Variants in SPOCK3 observed in about 807,000 individuals in gnomAD.
SPOCK3 encodes SPARC (osteonectin), cwcv and kazal like domains proteoglycan 3.
In SPOCK3, 30 loss-of-function variants were observed where a neutral mutation model predicts 56.6. The observed-to-expected ratio is 0.53, with a 90% CI of 0.40 to 0.72. SPOCK3 has a LOEUF of 0.72. SPOCK3 is among the 30% of genes least tolerant of loss of function. SPOCK3 has a pLI of 0.00. For missense variants in SPOCK3, 527 were observed against 530.0 expected (o/e 0.99, Z 0.06); for synonymous variants, 196 against 183.3 (o/e 1.07, Z -0.56).
chr4:166,953,990 C>T (rs563664357), intron 4 of SPOCK3, among the ~76,000 whole-genome samples: 5 of 151,948 alleles, frequency 3.3e-5, no homozygotes, highest in Admixed American at 6.6e-5. Context: ...TGCTAGATGA[C>T]GAGTTAGTGG....
At chr4:166,740,476 A>T (rs965747276) in intron 9 of SPOCK3, among the ~76,000 whole-genome samples, 3 of 149,784 alleles carry the variant, frequency 2.0e-5, no homozygotes, top group African/African-American at 7.3e-5. Context: ...ATTTGCCAAG[A>T]CAAATCTATA....
chr4:166,781,346 G>T (rs1740144210), intron 7 of SPOCK3, among the ~76,000 whole-genome samples: 1 of 151,894 alleles, frequency 6.6e-6, no homozygotes, highest in Admixed American at 6.6e-5. Context: ...AACTAGAGAT[G>T]GAAACTATAG....
chr4:167,186,839 T>C (rs1732014349), intron 2 of SPOCK3, among the ~76,000 whole-genome samples: 1 of 151,328 alleles, frequency 6.6e-6, no homozygotes, highest in African/African-American at 2.4e-5. Context: ...TAGCTGGGCG[T>C]GGTGGCACAT....
chr4:166,780,317 C>A (rs373098900), intron 7 of SPOCK3, among the ~76,000 whole-genome samples: 3 of 152,044 alleles, frequency 2.0e-5, no homozygotes, highest in African/African-American at 2.4e-5. Flanking sequence ...TGAGTGTAGG[C>A]TAAAATGACA....
intron 6 of SPOCK3, among the ~76,000 whole-genome samples, chr4:166,879,494 G>C (rs1192671155): frequency 6.6e-6 from 1 of 152,074 alleles, no homozygotes; most frequent in African/African-American, 2.4e-5. Context: ...AACATAGCAA[G>C]ACTTTGTCTC....
At chr4:167,208,095 A>G (rs368045201) in intron 2 of SPOCK3, among the ~76,000 whole-genome samples, 7 of 152,148 alleles carry the variant, frequency 4.6e-5, no homozygotes, top group African/African-American at 1.2e-4. Context: ...ACACTTTCTC[A>G]TTCCTCAATA....
At chr4:167,082,658 A>G (rs1307328926) in intron 2 of SPOCK3, among the ~76,000 whole-genome samples, 1 of 151,268 alleles carries the variant, frequency 6.6e-6, no homozygotes, top group Non-Finnish European at 1.5e-5. Context: ...GGGGTCAGGG[A>G]CCTACAGCCT....
chr4:166,742,957 T>C (rs911973630), intron 8 of SPOCK3, among the ~76,000 whole-genome samples: 7 of 152,136 alleles, frequency 4.6e-5, no homozygotes, highest in Non-Finnish European at 8.8e-5. Context: ...CTAGAGATGA[T>C]TTAAAGTATA....
At chr4:166,917,761 T>C (rs1738026017) in intron 4 of SPOCK3, among the ~76,000 whole-genome samples, 1 of 152,062 alleles carries the variant, frequency 6.6e-6, no homozygotes, top group African/African-American at 2.4e-5. Context: ...GACTGTTAAA[T>C]TTCCTGAGGC....
At chr4:166,816,781 A>G (rs1207206438) in intron 6 of SPOCK3, among the ~76,000 whole-genome samples, 1 of 152,092 alleles carries the variant, frequency 6.6e-6, no homozygotes, top group Non-Finnish European at 1.5e-5. Flanking sequence ...GGATAAAAAC[A>G]TTAAGGAAAA....
chr4:167,110,964 T>C (rs1760852205), intron 2 of SPOCK3, among the ~76,000 whole-genome samples: 1 of 151,938 alleles, frequency 6.6e-6, no homozygotes, highest in African/African-American at 2.4e-5. Context: ...GCTACACAGT[T>C]ATCACAATAT....
intron 8 of SPOCK3, among the ~76,000 whole-genome samples, chr4:166,744,095 G>T (rs1735241872): frequency 6.6e-6 from 1 of 152,182 alleles, no homozygotes; most frequent in African/African-American, 2.4e-5. Context: ...TGACAGCTTT[G>T]AAGAGAGCAG....
At chr4:166,913,682 A>T (rs1161293036) in intron 4 of SPOCK3, among the ~76,000 whole-genome samples, 1 of 152,138 alleles carries the variant, frequency 6.6e-6, no homozygotes, top group Non-Finnish European at 1.5e-5. Context: ...CTATCAAGAC[A>T]CATTTTAAGG....
At chr4:166,863,148 A>G (rs1731413833) in intron 6 of SPOCK3, among the ~76,000 whole-genome samples, 1 of 152,140 alleles carries the variant, frequency 6.6e-6, no homozygotes, top group Admixed American at 6.6e-5. Context: ...AGAATTTCAT[A>G]TCCAGCCAAA....
chr4:166,855,911 A>G (rs1198585449), intron 6 of SPOCK3, among the ~76,000 whole-genome samples: 2 of 152,206 alleles, frequency 1.3e-5, no homozygotes, highest in African/African-American at 4.8e-5. Flanking sequence ...TACAAGGGCA[A>G]GGAAGACAAA....
chr4:166,955,622 TA>T (rs1264351178), intron 4 of SPOCK3, among the ~76,000 whole-genome samples: 1 of 146,176 alleles, frequency 6.8e-6, no homozygotes, highest in Non-Finnish European at 1.5e-5. Flanking sequence ...TTAAATTTAA[TA>T]TAATTTAATT....
At position 166,981,695 on chromosome 4, in the gene SPOCK3, T is replaced by C. The variant is rs182969587; in HGVS notation, c.350+18654A>G. On this transcript the variant is annotated intron_variant, in intron 4 of 10. Coordinates refer to ENST00000357545, the MANE Select transcript of SPOCK3 (RefSeq NM_001040159.2). Reference sequence around the variant, plus strand: ...AGTCTGGCTCCCGGGCTTCAGGTCATTCCTGGCTTGAAAGACGGGTTTCAC... The same window carrying C: ...AGTCTGGCTCCCGGGCTTCAGGTCACTCCTGGCTTGAAAGACGGGTTTCAC... Among the ~76,000 whole-genome samples the C allele has an allele frequency of 3.2e-4, 48 of 152,308 alleles. 1 individual carries two copies. Among genetic ancestry groups the C allele is most frequent in the Admixed American group, 2.7e-3 (41 of 15,308 alleles).
chr4:167,083,139 T>C (rs1757874689), intron 2 of SPOCK3: 2 of 763,192 alleles, frequency 2.6e-6, no homozygotes, highest in African/African-American at 1.7e-5. Flanking sequence ...TACAGCTTTA[T>C]GGTTGCCCTA....
chr4:167,060,670 T>C (rs1755502741), intron 3 of SPOCK3, among the ~76,000 whole-genome samples: 1 of 152,148 alleles, frequency 6.6e-6, no homozygotes, highest in Non-Finnish European at 1.5e-5. Context: ...TTCAAGTAAA[T>C]GTGCATTTTT....
Sources: allele counts gnomAD v4.1 joint callset (sites outside exome capture counted in the v4.1 genomes callset), GRCh38; gene constraint gnomAD v4.1.1; transcripts MANE v1.5; gene names NCBI Gene and HGNC (gene_info 2026-07-23, HGNC 2026-07-21).